KDR: variants seen among roughly 807,000 people sequenced by gnomAD.
The protein encoded by KDR is kinase insert domain receptor.
In KDR, 43 loss-of-function variants were observed where a neutral mutation model predicts 160.9. The ratio of observed to expected loss-of-function variants is 0.27; its 90% CI spans 0.21 to 0.34. The LOEUF is 0.34. KDR is among the 10% of genes least tolerant of loss of function. The pLI is 1.00. For synonymous variants in KDR, 617 were observed against 600.1 expected (o/e 1.03, Z -0.41); for missense variants, 1,469 against 1,666.4 (o/e 0.88, Z 2.06).
At chr4:55,091,777 C>T (rs1437791758) in intron 22 of KDR, among the ~76,000 whole-genome samples, 1 of 152,204 alleles carries the variant, frequency 6.6e-6, no homozygotes, top group Non-Finnish European at 1.5e-5. Flanking sequence ...CTTCCTGATC[C>T]TTAATTTGAA....
Position 55,098,218 on chromosome 4 carries a change from C to G in KDR, c.2428G>C (p.Glu810Gln), listed in dbSNP as rs995900977. Residue 810 changes from glutamate (E) to glutamine (Q), a missense_variant, in exon 17 of 30, where the codon GAA becomes CAA. Coordinates refer to ENST00000263923, the MANE Select transcript of KDR (RefSeq NM_002253.4). ...TCACAATGTTCATCCAATGGGAGTTCATCTGGATCCATGACGATGGACAAG... is the reference window on the plus strand; with the variant it reads ...TCACAATGTTCATCCAATGGGAGTTGATCTGGATCCATGACGATGGACAAG... ...GYLSIVMDPD[E>Q]LPLDEHCERL... 69 of 1,613,768 alleles carry G rather than the reference C, an allele frequency of 4.3e-5. No individual in the cohort carries two copies. Among genetic ancestry groups the G allele is most frequent in the Non-Finnish European group, 5.5e-5 (65 of 1,179,840 alleles).
chr4:55,095,089 C>A (rs1720118469), intron 20 of KDR, 134 bp from the exon 21 acceptor site: 1 of 872,660 alleles, frequency 1.1e-6, no homozygotes, highest in Non-Finnish European at 1.8e-6. Context: ...ACATCAATTT[C>A]AGGATTATGC....
intron 7 of KDR, 150 bp from the exon 8 acceptor site, chr4:55,110,918 T>C: frequency 3.0e-6 from 2 of 676,328 alleles, no homozygotes; most frequent in African/African-American, 3.6e-5. Flanking sequence ...GGGTCACTTT[T>C]CAGCTTCTCC....
rs758431220 is a variant in KDR, at chr4:55,114,283, A to G, written c.659-18T>C. 9 of 1,612,414 alleles carry G rather than the reference A, an allele frequency of 5.6e-6. No individual in the cohort carries two copies. In the South Asian group the frequency reaches 9.9e-5, roughly 18 times the overall value. ...CCTATACCCTAGAGCAAGTAAATTGAAAAAACAGAACATGAGAGAGCAAAT... is the reference window on the plus strand; with the variant it reads ...CCTATACCCTAGAGCAAGTAAATTGGAAAAACAGAACATGAGAGAGCAAAT... On this transcript the variant is annotated intron_variant, in intron 5 of 29. Transcript: ENST00000263923.
chr4:55,111,677 C>T (rs990126053), intron 7 of KDR, among the ~76,000 whole-genome samples: 4 of 152,178 alleles, frequency 2.6e-5, no homozygotes, highest in African/African-American at 7.2e-5. Flanking sequence ...GCACATCTCT[C>T]TCTGTGTATT....
At chr4:55,095,100 A>T in intron 20 of KDR, 145 bp from the exon 21 acceptor site, 6 of 832,088 alleles carry the variant, frequency 7.2e-6, no homozygotes, top group Non-Finnish European at 1.1e-5. Flanking sequence ...AGGATTATGC[A>T]ATCTCTGAGC....
intron 19 of KDR, 45 bp downstream of exon 19, chr4:55,096,184 A>T (rs1474748782): frequency 1.0e-6 from 1 of 996,768 alleles, no homozygotes; most frequent in Admixed American, 1.7e-5. Context: ...ACTATCAGAG[A>T]GGCATGTTAA....
At chr4:55,123,091 G>A (rs908527861) in intron 1 of KDR, among the ~76,000 whole-genome samples, 16 of 151,976 alleles carry the variant, frequency 1.1e-4, no homozygotes, top group African/African-American at 3.4e-4. Context: ...TTTTTAATAT[G>A]AAAGAAATAA....
At chr4:55,114,405 C>T (rs1720681726) in intron 5 of KDR, 140 bp from the exon 6 acceptor site, 1 of 859,174 alleles carries the variant, frequency 1.2e-6, no homozygotes, top group Non-Finnish European at 1.8e-6. Context: ...TACTTGGTAG[C>T]TCCCAGGAAA....
intron 1 of KDR, among the ~76,000 whole-genome samples, chr4:55,122,481 G>T (rs1720908895): frequency 6.6e-6 from 1 of 152,130 alleles, no homozygotes; most frequent in Admixed American, 6.5e-5. Context: ...GACGAAGTAT[G>T]AGACGGAATA....
chr4:55,113,623 T>G, intron 6 of KDR, 142 bp from the exon 7 acceptor site: 2 of 705,084 alleles, frequency 2.8e-6, no homozygotes, highest in South Asian at 1.7e-5. Context: ...TTTAACCTCA[T>G]GCAGACAACA....
chr4:55,085,123 G>A lies in KDR; in HGVS notation c.3662+2484C>T, dbSNP rs1578126152. Among the ~76,000 whole-genome samples the A allele has an allele frequency of 2.0e-5, 3 of 152,298 alleles. No individual in the cohort carries two copies. The South Asian group carries it at 6.2e-4, about 32-fold the overall frequency. ...GTGAGGTGAAACTCCCAGGGAAAAT[G>A]ACAGAGCAATTGCCGATGGTCCCCA... is the stretch of plus-strand genomic sequence containing the variant. On this transcript the variant is annotated intron_variant, in intron 27 of 29. Transcript: ENST00000263923.
chr4:55,113,581 T>C lies in KDR; in HGVS notation c.799-100A>G, dbSNP rs985768284. The C allele has an allele frequency of 2.9e-6, 3 of 1,040,900 alleles. No homozygotes were observed. The African/African-American group carries it at 4.8e-5, about 17-fold the overall frequency. 64.5% of individuals were successfully genotyped at this position (1,040,900 alleles called of 1,614,324 possible). On this transcript the variant is annotated intron_variant, in intron 6 of 29. Transcript: ENST00000263923. ...ATTAAATCTGGGCTTTGGTAAACAT[T>C]ATTTAATGCTAAAAACAGGGACACC...
chr4:55,093,558 G>A (rs1028787484), intron 21 of KDR, among the ~76,000 whole-genome samples: 1 of 152,198 alleles, frequency 6.6e-6, no homozygotes, highest in African/African-American at 2.4e-5. Context: ...AAGACAAAGA[G>A]CAGGGTAGAG....
Position 55,112,344 on chromosome 4 carries a change from C to A in KDR, c.976+960G>T, listed in dbSNP as rs144393105. On this transcript the variant is annotated intron_variant, in intron 7 of 29. Transcript: ENST00000263923. ...ACTTAATGAATAGTAAATATATTTT[C>A]TCTTCCTTACAATTTTCTTAATAAC... 9.7e-3 allele frequency among the ~76,000 whole-genome samples: 1,483 copies of A among 152,120 alleles called. 24 individuals are homozygous for A. The highest frequency in any genetic ancestry group is 0.034 in the African/African-American group (1,394 of 41,502).
chr4:55,092,256 C>A, intron 22 of KDR: 1 of 326,260 alleles, frequency 3.1e-6, no homozygotes, highest in Non-Finnish European at 6.0e-6. Flanking sequence ...TTACTCTCAT[C>A]TAACCTACAA....
At chr4:55,097,347 CA>C (rs1560516539) in intron 18 of KDR, among the ~76,000 whole-genome samples, 1 of 152,074 alleles carries the variant, frequency 6.6e-6, no homozygotes, top group Non-Finnish European at 1.5e-5. Context: ...TATTAAGAAA[CA>C]ATTTTAATAT....
intron 9 of KDR, 46 bp downstream of exon 9, chr4:55,110,357 G>T: frequency 6.3e-7 from 1 of 1,585,228 alleles, no homozygotes; most frequent in Non-Finnish European, 8.7e-7. Context: ...GGAAGACAAT[G>T]TATCATAATA....
Position 55,087,603 on chromosome 4 carries a change from G to C in KDR, c.3662+4C>G. ...CCCGGGGGATGTTAGGCCATATACA[G>C]TACCTGATTCCTGCTGTGTTGTCAT... On this transcript the variant is annotated splice_donor_region_variant and intron_variant, in intron 27 of 29. Transcript: ENST00000263923. 1 of 1,613,976 alleles carries C rather than the reference G, an allele frequency of 6.2e-7. No homozygotes were observed. Among genetic ancestry groups the C allele is most frequent in the Admixed American group, 1.7e-5 (1 of 60,020 alleles).
Sources: gnomAD v4.1 joint callset for allele counts (sites outside exome capture counted in the v4.1 genomes callset) on GRCh38, gnomAD v4.1.1 for gene constraint, MANE v1.5 for transcripts, NCBI Gene and HGNC (gene_info 2026-07-23, HGNC 2026-07-21) for gene names.